Variants in RAD52 observed in about 807,000 individuals in gnomAD.
RAD52 encodes the protein DNA repair protein RAD52 homolog.
In RAD52, 47 loss-of-function variants were observed where a neutral mutation model predicts 55.5. The ratio of observed to expected loss-of-function variants is 0.85; its 90% confidence interval spans 0.67 to 1.08. The LOEUF (loss-of-function observed/expected upper bound fraction) is 1.08. Ranked by LOEUF, RAD52 falls within the 50% of genes least tolerant of loss-of-function variation. The pLI is 0.00. For missense variants in RAD52, 468 were observed against 522.8 expected (o/e 0.90, Z 1.02); for synonymous variants, 184 against 198.9 (o/e 0.92, Z 0.63).
chr12:913,476 ATG>A, intron 11 of RAD52, 24 bp from the exon 12 acceptor site: 1 of 1,509,066 alleles, frequency 6.6e-7, no homozygotes, highest in South Asian at 1.1e-5. Flanking sequence ...AATGGCTTAA[ATG>A]TAGCTGCCAT....
At chr12:989,038 C>T (rs1291063449) in intron 1 of RAD52, among the ~76,000 whole-genome samples, 1 of 152,174 alleles carries the variant, frequency 6.6e-6, no homozygotes, top group Non-Finnish European at 1.5e-5. Flanking sequence ...CTCTTAGGCC[C>T]TTCAATACTC....
At chr12:942,699 A>G (rs1236132694) in intron 1 of RAD52, among the ~76,000 whole-genome samples, 2 of 151,686 alleles carry the variant, frequency 1.3e-5, no homozygotes, top group Non-Finnish European at 1.5e-5. Flanking sequence ...GTGAGCGGAG[A>G]TCGCCATCAC....
intron 1 of RAD52, among the ~76,000 whole-genome samples, chr12:941,149 TAAAGAG>T (rs1957899124): frequency 6.6e-6 from 1 of 151,740 alleles, no homozygotes; most frequent in Non-Finnish European, 1.5e-5. Context: ...AAAACAAAAA[TAAAGAG>T]AAAATCTTGA....
rs377435976 is a variant in RAD52, at chr12:913,072, A to ATATT, written c.*318_*319insAATA. 1 of 94,194 alleles carries ATATT rather than the reference A, an allele frequency of 1.1e-5. No homozygotes were observed. 5.8% of individuals were successfully genotyped at this position (94,194 alleles called of 1,614,324 possible). A position where few individuals can be genotyped will look rare whatever the true frequency, so the allele number is the denominator to read the frequency against. ...TGGCCTATATTGCTTGAGGGCAAGGAGCCATTGGTGATTCCTAAAATGTCC... is the reference window on the plus strand; with the variant it reads ...TGGCCTATATTGCTTGAGGGCAAGGATATTGCCATTGGTGATTCCTAAAATGTCC... On this transcript the variant is annotated 3_prime_UTR_variant, in exon 12 of 12. Transcript: ENST00000358495.
chr12:962,206 G>T (rs1958695341), intron 1 of RAD52, among the ~76,000 whole-genome samples: 1 of 152,182 alleles, frequency 6.6e-6, no homozygotes, highest in Admixed American at 6.5e-5. Context: ...GGAAAATAAA[G>T]ATGGAGAAGT....
rs750846334 is a variant in RAD52, at chr12:913,892, A to G, written c.1195+2T>C. On this transcript the variant is annotated splice_donor_variant, in intron 11 of 11. Transcript: ENST00000358495. LOFTEE classifies it high-confidence loss of function. ...TTTTGTGCCTAAACACCTCTCTGCT[A>G]CCTGTTGTGCGTTGGTCAGCGCTAT... 1 of 1,613,112 alleles carries G rather than the reference A, an allele frequency of 6.2e-7. No individual in the cohort carries two copies. Among genetic ancestry groups the G allele is most frequent in the Non-Finnish European group, 8.5e-7 (1 of 1,179,084 alleles).
intron 1 of RAD52, chr12:977,036 C>T (rs908768217): frequency 1.3e-5 from 2 of 152,536 alleles, no homozygotes; most frequent in Admixed American, 1.3e-4. Flanking sequence ...CCACAGTCCT[C>T]GATCCTTGTC....
rs747102096 is a variant in RAD52 at position 929,898 on chromosome 12, A to G, written c.281-12T>C. ...GAGGTCAACAAAATCTAGGAGTGGG[A>G]AAGAGAGCAAGTTGAAGAGGACACT... is the stretch of plus-strand genomic sequence containing the variant. On this transcript the variant is annotated splice_polypyrimidine_tract_variant and intron_variant, in intron 4 of 11. Transcript: ENST00000358495. 1 of 1,611,738 alleles carries G rather than the reference A, an allele frequency of 6.2e-7. No individual in the cohort carries two copies. Among genetic ancestry groups the G allele is most frequent in the African/African-American group, 1.3e-5 (1 of 74,986 alleles).
At chr12:926,536 T>C (rs1442951082) in intron 6 of RAD52, among the ~76,000 whole-genome samples, 5 of 151,742 alleles carry the variant, frequency 3.3e-5, no homozygotes, top group Non-Finnish European at 7.4e-5. Context: ...AATAAATAAA[T>C]AAGCCTGGGA....
chr12:983,170 C>T lies in RAD52; in HGVS notation c.-19+6639G>A, dbSNP rs908818009. The stretch of plus-strand genomic sequence containing the variant: ...CGGCTCAATCAGGCTTTTTCCAGCA[C>T]GCACCTCAAAACTCGTTCACTCTCT... On this transcript the variant is annotated intron_variant, in intron 1 of 11. Transcript: ENST00000430095. Among the ~76,000 whole-genome samples the T allele has an allele frequency of 2.6e-5, 4 of 151,950 alleles. 1 individual carries two copies. In the South Asian group the frequency reaches 6.2e-4, roughly 24 times the overall value.
At chr12:964,360 G>A (rs542772675) in intron 1 of RAD52, among the ~76,000 whole-genome samples, 3 of 152,248 alleles carry the variant, frequency 2.0e-5, no homozygotes, top group Admixed American at 2.0e-4. Flanking sequence ...CTGAGGTCAG[G>A]AGTTTGAGAC....
intron 1 of RAD52, among the ~76,000 whole-genome samples, chr12:938,858 C>A (rs1324340130): frequency 1.3e-5 from 2 of 152,100 alleles, no homozygotes; most frequent in Non-Finnish European, 2.9e-5. Context: ...ACCTCCTGGG[C>A]TCAGGTGATC....
In RAD52 at chr12:912,717, C is replaced by T. The variant is rs1265804989; in HGVS notation, c.*674G>A. On this transcript the variant is annotated 3_prime_UTR_variant, in exon 12 of 12. Transcript: ENST00000358495. The stretch of plus-strand genomic sequence containing the variant: ...CAGTCAGGGCAACACAGCCAGACCC[C>T]GTCTCAAAAAAAAAAAAAAAAAAAA... 7 of 69,730 alleles carry T rather than the reference C, an allele frequency of 1.0e-4. No individual in the cohort carries two copies. The East Asian group carries it at 1.5e-3, about 15-fold the overall frequency. 4.3% of individuals were successfully genotyped at this position (69,730 alleles called of 1,614,324 possible).
At chr12:942,727 G>A (rs1255304603) in intron 1 of RAD52, among the ~76,000 whole-genome samples, 1 of 149,508 alleles carries the variant, frequency 6.7e-6, no homozygotes, top group Non-Finnish European at 1.5e-5. Context: ...CAGCCTGGAC[G>A]ACAGAGCAAG....
intron 1 of RAD52, among the ~76,000 whole-genome samples, chr12:972,283 T>C (rs1021455244): frequency 1.3e-5 from 2 of 152,032 alleles, no homozygotes; most frequent in Non-Finnish European, 2.9e-5. Flanking sequence ...CACACATATA[T>C]ATATAAATAC....
At chr12:978,221 T>G (rs764115601) in intron 1 of RAD52, among the ~76,000 whole-genome samples, 18 of 152,160 alleles carry the variant, frequency 1.2e-4, no homozygotes, top group Non-Finnish European at 1.8e-4. Flanking sequence ...TTTTTCTTTT[T>G]TTTTTGTATT....
chr12:916,753 C>A lies in RAD52; in HGVS notation c.611G>T (p.Arg204Ile). Reference sequence around the variant, plus strand: ...CATGTTCGGTCGGCAGCTGTTGTATCTTGCCTCCTCCACAGACGGTTCAAG... The same window carrying A: ...CATGTTCGGTCGGCAGCTGTTGTATATTGCCTCCTCCACAGACGGTTCAAG... ...QDLEPSVEEA[R>I]YNSCRPNMAL... Residue 204 changes from arginine (R) to isoleucine (I), a missense_variant, in exon 8 of 12, where the codon AGA becomes ATA. Coordinates refer to ENST00000358495, the MANE Select transcript of RAD52 (RefSeq NM_134424.4). The A allele has an allele frequency of 6.2e-7, 1 of 1,614,210 alleles. No individual in the cohort carries two copies. The highest frequency in any genetic ancestry group is 8.5e-7 in the Non-Finnish European group (1 of 1,180,030).
intron 7 of RAD52, among the ~76,000 whole-genome samples, chr12:923,917 A>G (rs1956875484): frequency 6.6e-6 from 1 of 151,466 alleles, no homozygotes; most frequent in Non-Finnish European, 1.5e-5. Context: ...TTAGCTGGGC[A>G]TGGTGGTGGC....
In RAD52 at chr12:936,646, T is replaced by C. The variant is rs564826390; in HGVS notation, c.-18-3570A>G. Among the ~76,000 whole-genome samples the C allele has an allele frequency of 2.0e-5, 3 of 152,172 alleles. No individual in the cohort carries two copies. In the South Asian group the frequency reaches 6.2e-4, roughly 32 times the overall value. The stretch of plus-strand genomic sequence containing the variant: ...TAGACAGGACTACAGGTGAGTGCTA[T>C]CATGCCAGGTTAATTTTTTTTAAAA... On this transcript the variant is annotated intron_variant, in intron 1 of 11. Coordinates refer to ENST00000358495, the MANE Select transcript of RAD52 (RefSeq NM_134424.4).
Sources: gnomAD v4.1 joint callset for allele counts (sites outside exome capture counted in the v4.1 genomes callset) on GRCh38, gnomAD v4.1.1 for gene constraint, MANE v1.5 for transcripts, NCBI Gene and HGNC (gene_info 2026-07-23, HGNC 2026-07-21) for gene names.